AVEN: variants seen among roughly 807,000 people sequenced by gnomAD.
AVEN encodes cell death regulator Aven.
AVEN carries 41 observed loss-of-function variants against 38.1 expected under a neutral mutation model. The observed-to-expected ratio is 1.08, with a 90% CI of 0.84 to 1.40. AVEN has a LOEUF of 1.40. Among genes scored for constraint, AVEN ranks in the 40% most tolerant of loss-of-function variants. AVEN has a pLI of 0.00. For synonymous variants in AVEN, 206 were observed against 171.8 expected, an observed-to-expected ratio of 1.20 and a Z score of -1.56; for missense variants, 605 against 438.8, an observed-to-expected ratio of 1.38 and a Z score of -3.38.
In AVEN at chr15:33,930,954, C is replaced by CAAAA. The variant is rs61006422; in HGVS notation, c.446-54963_446-54960dup. The stretch of plus-strand genomic sequence containing the variant: ...TGGGCGACACAGTGAGACTCTGTCT[C>CAAAA]AAAAAAAAAAAAAAAAAAAACTTAA... On this transcript the variant is annotated intron_variant, in intron 2 of 5. Coordinates refer to ENST00000306730, the MANE Select transcript of AVEN (RefSeq NM_020371.3). 8.8e-4 allele frequency among the ~76,000 whole-genome samples: 98 copies of CAAAA among 111,830 alleles called. 1 individual carries two copies. The highest frequency in any genetic ancestry group is 3.2e-3 in the African/African-American group (93 of 29,180). The allele number at this position is 111,830 out of a possible 152,430, so 73.4% of individuals were successfully genotyped here.
At chr15:33,889,329 C>G (rs541482143) in intron 2 of AVEN, among the ~76,000 whole-genome samples, 1 of 152,292 alleles carries the variant, frequency 6.6e-6, no homozygotes, top group South Asian at 2.1e-4. Flanking sequence ...CCTTTTCCCA[C>G]CAATGCCAAG....
At chr15:33,854,683 T>TCA, downstream of AVEN, 1 of 1,509,588 alleles carries the variant, frequency 6.6e-7, no homozygotes, top group East Asian at 2.3e-5. Flanking sequence ...CCTCAGTGTG[T>TCA]CTCCCAAAAT....
intron 2 of AVEN, among the ~76,000 whole-genome samples, chr15:33,945,437 T>C (rs138443414): frequency 8.5e-5 from 13 of 152,304 alleles, no homozygotes; most frequent in Non-Finnish European, 1.5e-4. Flanking sequence ...TCCTAGTTTC[T>C]ACTCAGAGTT....
In AVEN at chr15:33,867,906, G is replaced by C. The variant is rs375515413; in HGVS notation, c.613-51C>G. The C allele has an allele frequency of 1.1e-5, 17 of 1,517,898 alleles. No individual in the cohort carries two copies. The African/African-American group carries it at 2.0e-4, about 17-fold the overall frequency. 94.0% of individuals were successfully genotyped at this position (1,517,898 alleles called of 1,614,324 possible). On this transcript the variant is annotated intron_variant, in intron 4 of 5. Transcript: ENST00000306730. ...TTAAAAATGTGAGTCTTGCCATATT[G>C]GCTTAAGTAAATACATAGGAGGCTA...
intron 11 of AVEN, chr15:33,859,879 C>G (rs2080142245): frequency 1.1e-6 from 1 of 897,738 alleles, no homozygotes; most frequent in African/African-American, 1.7e-5. Flanking sequence ...TCTACTATAC[C>G]TGAGGCTTTG....
At chr15:33,894,818 A>T (rs1276623555) in intron 2 of AVEN, among the ~76,000 whole-genome samples, 257 of 16,740 alleles carry the variant, frequency 0.015, 3 homozygotes, top group African/African-American at 0.021. Context: ...TCAAAAAAAA[A>T]AAAATAATAA....
At chr15:34,027,523 T>G in intron 1 of AVEN, among the ~76,000 whole-genome samples, 1 of 112,668 alleles carries the variant, frequency 8.9e-6, no homozygotes, top group Non-Finnish European at 2.2e-5. Context: ...AGAGAGACTC[T>G]GTCTCAAAAA....
chr15:33,876,117 G>C lies in AVEN; in HGVS notation c.446-122C>G, dbSNP rs1040358733. On this transcript the variant is annotated intron_variant, in intron 2 of 5. Transcript: ENST00000306730. The stretch of plus-strand genomic sequence containing the variant: ...TGCTCAAACTCAAAGGGAGAGGCAA[G>C]GATAAAACTGGAACATACCTCCAAC... The C allele has an allele frequency of 3.9e-6, 3 of 772,546 alleles. No homozygotes were observed. The Admixed American group carries it at 8.0e-5, about 21-fold the overall frequency. 47.9% of individuals were successfully genotyped at this position (772,546 alleles called of 1,614,324 possible).
intron 1 of AVEN, among the ~76,000 whole-genome samples, chr15:34,071,787 C>A (rs1900631454): frequency 1.3e-5 from 2 of 152,120 alleles, no homozygotes; most frequent in Admixed American, 1.3e-4. Context: ...ATTTGGAGGA[C>A]TACTCTTTCT....
At chr15:33,869,132 T>C (rs1890828288) in intron 4 of AVEN, among the ~76,000 whole-genome samples, 1 of 152,146 alleles carries the variant, frequency 6.6e-6, no homozygotes, top group Non-Finnish European at 1.5e-5. Flanking sequence ...AGTCAGTCAG[T>C]TGTACAGGGC....
chr15:33,986,145 C>T (rs1282180095), intron 2 of AVEN, among the ~76,000 whole-genome samples: 3 of 151,294 alleles, frequency 2.0e-5, no homozygotes, highest in South Asian at 2.1e-4. Context: ...CTCGCTCTGT[C>T]GCCCAGGCTG....
chr15:34,041,927 GT>G (rs1162321480), upstream of AVEN, among the ~76,000 whole-genome samples: 2 of 152,172 alleles, frequency 1.3e-5, no homozygotes, highest in Non-Finnish European at 2.9e-5. Context: ...CCGGGGGTAT[GT>G]TACTCTCCAT....
the AVEN span, chr15:33,852,792 A>T: frequency 2.5e-6 from 1 of 397,636 alleles, no homozygotes; most frequent in South Asian, 3.2e-5. Context: ...CTTGGCTCCA[A>T]ATCATAATTC....
chr15:33,922,940 G>T (rs193063254), intron 2 of AVEN, among the ~76,000 whole-genome samples: 84 of 152,252 alleles, frequency 5.5e-4, no homozygotes, highest in Admixed American at 3.0e-3. Flanking sequence ...TGAAAATGTT[G>T]AATTTACATC....
At position 34,038,971 on chromosome 15, in the gene AVEN, T is replaced by A; in HGVS notation, c.76A>T (p.Ser26Cys). Reference protein sequence around the residue: ...GRGRPGGDRHSERPGAAAAVA... With the variant: ...GRGRPGGDRHCERPGAAAAVA... ...GCCGCTGCGGCTCCGGGCCGCTCGCTGTGGCGATCTCCGCCAGGCCGGCCG... is the reference window on the plus strand; with the variant it reads ...GCCGCTGCGGCTCCGGGCCGCTCGCAGTGGCGATCTCCGCCAGGCCGGCCG... The change falls in exon 1 of 6, where the codon AGC becomes TGC. Residue 26 changes from serine (S) to cysteine (C), a missense_variant. Physicochemically the swap from Ser to Cys is moderately radical, Grantham distance 112 (BLOSUM62 -1). Transcript: ENST00000306730. 1 of 1,109,070 alleles carries A rather than the reference T, an allele frequency of 9.0e-7. No homozygotes were observed. The highest frequency in any genetic ancestry group is 1.1e-6 in the Non-Finnish European group (1 of 912,856). The allele number at this position is 1,109,070 out of a possible 1,614,324, so 68.7% of individuals were successfully genotyped here.
At chr15:33,965,560 A>C (rs908938689) in intron 2 of AVEN, among the ~76,000 whole-genome samples, 2 of 152,160 alleles carry the variant, frequency 1.3e-5, no homozygotes. Context: ...AGAAAAAATC[A>C]TTTATCTTAT....
chr15:33,954,717 G>C (rs1894894067), intron 2 of AVEN, among the ~76,000 whole-genome samples: 1 of 151,968 alleles, frequency 6.6e-6, no homozygotes, highest in Non-Finnish European at 1.5e-5. Context: ...ACGAGTTAAT[G>C]GGTGCAGCAC....
intron 2 of AVEN, among the ~76,000 whole-genome samples, chr15:33,980,320 C>T (rs1292119649): frequency 6.6e-6 from 1 of 152,194 alleles, no homozygotes; most frequent in Non-Finnish European, 1.5e-5. Context: ...CAAGAATCAT[C>T]GCACTGGTAA....
At chr15:33,970,748 C>T (rs911110762) in intron 2 of AVEN, among the ~76,000 whole-genome samples, 1 of 151,892 alleles carries the variant, frequency 6.6e-6, no homozygotes, top group Non-Finnish European at 1.5e-5. Context: ...TTAAAGGGGG[C>T]AGATAACAAT....
Sources: allele counts gnomAD v4.1 joint callset (sites outside exome capture counted in the v4.1 genomes callset), GRCh38; gene constraint gnomAD v4.1.1; transcripts MANE v1.5; gene names NCBI Gene and HGNC (gene_info 2026-07-23, HGNC 2026-07-21).